The following DET1 variants were observed in gnomAD, a reference collection of about 807,000 sequenced individuals.
DET1 encodes the protein DET1 partner of COP1 E3 ubiquitin ligase.
Under a neutral mutation model 43.7 loss-of-function variants are expected in DET1, and 22 were observed. The ratio of observed to expected loss-of-function variants is 0.50; its 90% confidence interval spans 0.36 to 0.72. DET1 has a LOEUF of 0.72. DET1 is among the 30% of genes least tolerant of loss of function. The pLI is 0.00. For missense variants in DET1, 713 were observed against 713.3 expected (o/e 1.00, Z 0.00); for synonymous variants, 315 against 266.2 (o/e 1.18, Z -1.79).
chr15:88,540,639 G>T (rs1404057343), intron 1 of DET1, among the ~76,000 whole-genome samples: 1 of 150,808 alleles, frequency 6.6e-6, no homozygotes, highest in Non-Finnish European at 1.5e-5. Flanking sequence ...TATGTACTAA[G>T]AAAAATTCTT....
upstream of DET1, chr15:88,546,697 G>C (rs949210730): frequency 6.6e-6 from 1 of 152,256 alleles, no homozygotes; most frequent in Non-Finnish European, 1.5e-5. Flanking sequence ...CCAGCAAAAA[G>C]GGAAGTAGGG....
At position 88,531,574 on chromosome 15, in the gene DET1, C is replaced by T. The variant is rs368917306; in HGVS notation, c.132G>A (p.Gln44=). The change falls in exon 2 of 5, where the codon CAG becomes CAA. Residue 44 remains glutamine, a synonymous_variant. Transcript: ENST00000268148. This position sits in a 1 kb window ranked among gnomAD's most constrained non-coding sequence, Gnocchi z 6.2. The part of the protein sequence containing the change: ...THWHQVRVFH[Q]NVFPNFTVVN... ...CAACTGTGAAGTTGGGGAAGACATT[C>T]TGATGGAACACTCGGACTTGGTGCC... 4 of 1,613,874 alleles carry T rather than the reference C, an allele frequency of 2.5e-6. No homozygotes were observed. In the African/African-American group the frequency reaches 4.0e-5, roughly 16 times the overall value.
At chr15:88,512,168 G>C (rs927843603), downstream of DET1, among the ~76,000 whole-genome samples, 10 of 152,184 alleles carry the variant, frequency 6.6e-5, no homozygotes, top group Non-Finnish European at 1.5e-4. Context: ...ATTTGTTTCT[G>C]CTGTGGCCAA....
At chr15:88,538,148 T>A (rs2057000286) in intron 1 of DET1, among the ~76,000 whole-genome samples, 1 of 152,164 alleles carries the variant, frequency 6.6e-6, no homozygotes, top group Admixed American at 6.6e-5. Context: ...ATGCCCAAAC[T>A]GGTTTTTACT....
downstream of DET1, among the ~76,000 whole-genome samples, chr15:88,509,976 T>C (rs1489571372): frequency 6.6e-6 from 1 of 152,238 alleles, no homozygotes; most frequent in Non-Finnish European, 1.5e-5. Context: ...TCACTGATGC[T>C]GAACATCTGC....
rs1312581929 is a variant in DET1 at position 88,539,095 on chromosome 15, CT to C, written c.-10-7381del. Among the ~76,000 whole-genome samples the C allele has an allele frequency of 4.6e-4, 6 of 13,080 alleles. No homozygotes were observed. In the African/African-American group the frequency reaches 4.6e-3, roughly 10 times the overall value. 8.6% of individuals were successfully genotyped at this position (13,080 alleles called of 152,430 possible). ...CTGAGCCTTGGTTTCTGGCAGACCGCTCTCTCTCTCTCTCTCTCTCTTTCTC... is the reference window on the plus strand; with the variant it reads ...CTGAGCCTTGGTTTCTGGCAGACCGCCTCTCTCTCTCTCTCTCTCTTTCTC... On this transcript the variant is annotated intron_variant, in intron 1 of 4. Coordinates refer to ENST00000268148, the MANE Select transcript of DET1 (RefSeq NM_001144074.3).
intron 3 of DET1, among the ~76,000 whole-genome samples, chr15:88,525,827 A>ATTTTTTTTT (rs10658727): frequency 9.9e-5 from 9 of 90,684 alleles, no homozygotes; most frequent in African/African-American, 1.8e-4. Context: ...ACACTCGGCT[A>ATTTTTTTTT]TTTTTTTTTT....
At chr15:88,509,579 G>T (rs1377102843), downstream of DET1, among the ~76,000 whole-genome samples, 6 of 152,190 alleles carry the variant, frequency 3.9e-5, no homozygotes, top group Non-Finnish European at 7.3e-5. Flanking sequence ...GGAAGTTAAG[G>T]GAGTGATTAT....
intron 4 of DET1, among the ~76,000 whole-genome samples, chr15:88,514,051 G>T (rs557656651): frequency 6.7e-6 from 1 of 149,618 alleles, no homozygotes; most frequent in African/African-American, 2.5e-5. Flanking sequence ...CGCCCGCCTC[G>T]GCCTCCCAAA....
intron 3 of DET1, among the ~76,000 whole-genome samples, chr15:88,521,688 C>T (rs913439131): frequency 6.6e-6 from 1 of 151,986 alleles, no homozygotes. Context: ...TGCAAATCAC[C>T]CTTTTCATAG....
intron 1 of DET1, among the ~76,000 whole-genome samples, chr15:88,539,448 TAAAAA>T (rs34945813): frequency 5.2e-5 from 5 of 96,482 alleles, no homozygotes; most frequent in South Asian, 3.6e-4. Flanking sequence ...CTTGTCTGTC[TAAAAA>T]AAAAAAAAAA....
rs147653616 is a variant in DET1, at chr15:88,530,597, G to A, written c.1083+26C>T. The A allele has an allele frequency of 6.6e-3, 10,321 of 1,553,674 alleles. 41 individuals are homozygous for A. The highest frequency in any genetic ancestry group is 8.1e-3 in the Non-Finnish European group (9,365 of 1,150,714). ...CCATTTTGCCAAGGAGATTAGACAA[G>A]TAAAAGGCAGGAGTGTACCTCATAC... On this transcript the variant is annotated intron_variant, in intron 2 of 4. Coordinates refer to ENST00000268148, the MANE Select transcript of DET1 (RefSeq NM_001144074.3).
rs2056703611 is a variant in DET1 at position 88,527,738 on chromosome 15, C to G, written c.1132G>C (p.Val378Leu). The G allele has an allele frequency of 6.2e-7, 1 of 1,613,266 alleles. No individual in the cohort carries two copies. The highest frequency in any genetic ancestry group is 8.5e-7 in the Non-Finnish European group (1 of 1,179,600). The change falls in exon 3 of 5, where the codon GTG (valine) becomes CTG (leucine). Residue 378 changes from valine to leucine, a missense_variant. Coordinates refer to ENST00000268148, the MANE Select transcript of DET1 (RefSeq NM_001144074.3). Reference sequence around the variant, plus strand: ...AGCTCATCTGATGTATTCTCAAACACAGCAATCACCTCTGTCGTCACCATA... The same window carrying G: ...AGCTCATCTGATGTATTCTCAAACAGAGCAATCACCTCTGTCGTCACCATA... Reference protein sequence around the residue: ...YNMVTTEVIAVFENTSDELLE... With the variant: ...YNMVTTEVIALFENTSDELLE...
chr15:88,536,491 A>C (rs1303988338), intron 1 of DET1: 1 of 555,726 alleles, frequency 1.8e-6, no homozygotes, highest in Non-Finnish European at 3.2e-6. Context: ...TAAAAGAGGA[A>C]CAAACTGGCC....
intron 1 of DET1, among the ~76,000 whole-genome samples, chr15:88,538,384 T>C (rs1475079003): frequency 6.6e-6 from 1 of 151,020 alleles, no homozygotes; most frequent in East Asian, 1.9e-4. Flanking sequence ...CTTGTAATAG[T>C]CATAAAGCCC....
chr15:88,515,538 T>TAAAAAA (rs1491544233), intron 4 of DET1, among the ~76,000 whole-genome samples: 1,648 of 47,472 alleles, frequency 0.035, 723 homozygotes, highest in Middle Eastern at 0.048. Flanking sequence ...GACTCCGTCT[T>TAAAAAA]ATAAAAAAAA....
intron 3 of DET1, 21 bp downstream of exon 3, chr15:88,527,578 G>A (rs1322147754): frequency 6.4e-7 from 1 of 1,562,734 alleles, no homozygotes; most frequent in Admixed American, 1.9e-5. Flanking sequence ...AAAGACTGTT[G>A]AGTCTGGTGG....
chr15:88,515,997 G>A (rs78672376), intron 4 of DET1, among the ~76,000 whole-genome samples: 2,768 of 152,286 alleles, frequency 0.018, 62 homozygotes, highest in African/African-American at 0.063. Flanking sequence ...TATAAATGGT[G>A]ATTAATTATA....
In DET1 at chr15:88,531,812, G is replaced by A; in HGVS notation, c.-10-97C>T. On this transcript the variant is annotated intron_variant, in intron 1 of 4. Transcript: ENST00000268148. This position sits in a 1 kb window ranked among gnomAD's most constrained non-coding sequence, Gnocchi z 6.2. ...AAACAGATTTCTCTTCTTATATCCTGAACCTAGGAGCTCCCAAGATGACAG... is the reference window on the plus strand; with the variant it reads ...AAACAGATTTCTCTTCTTATATCCTAAACCTAGGAGCTCCCAAGATGACAG... 8.4e-7 allele frequency: 1 copy of A among 1,191,754 alleles called. No individual in the cohort carries two copies. The highest frequency in any genetic ancestry group is 1.1e-6 in the Non-Finnish European group (1 of 875,164). 73.8% of individuals were successfully genotyped at this position (1,191,754 alleles called of 1,614,324 possible). A position where few individuals can be genotyped will look rare whatever the true frequency, so the allele number is the denominator to read the frequency against.
Sources: allele counts gnomAD v4.1 joint callset (sites outside exome capture counted in the v4.1 genomes callset), GRCh38; gene constraint gnomAD v4.1.1; non-coding constraint Gnocchi (gnomAD v3.1); transcripts MANE v1.5; gene names NCBI Gene and HGNC (gene_info 2026-07-23, HGNC 2026-07-21).